NRXN1: variants seen among roughly 807,000 people sequenced by gnomAD.
The protein encoded by NRXN1 is neurexin 1, also known as neurexin-1.
Under a neutral mutation model 150.9 loss-of-function variants are expected in NRXN1, and 39 were observed. The observed-to-expected ratio is 0.26, with a 90% CI of 0.20 to 0.34. NRXN1 has a LOEUF of 0.34. Among genes scored for constraint, NRXN1 ranks in the 10% least tolerant of loss-of-function variants. The pLI is 1.00. For synonymous variants in NRXN1, 924 were observed against 757.0 expected (o/e 1.22, Z -3.62); for missense variants, 1,815 against 1,949.9 (o/e 0.93, Z 1.30).
In NRXN1 at chr2:50,658,097, A is replaced by T. The variant is rs533825614; in HGVS notation, c.833-34482T>A. 3.3e-5 allele frequency among the ~76,000 whole-genome samples: 5 copies of T among 152,078 alleles called. 1 individual carries two copies. The highest frequency in any genetic ancestry group is 1.2e-4 in the African/African-American group (5 of 41,532). On this transcript the variant is annotated intron_variant, in intron 5 of 22. Coordinates refer to ENST00000401669, the MANE Select transcript of NRXN1 (RefSeq NM_001330078.2). ...CTCAGCAGATCTTAGACTTTCCATT[A>T]TTTATTTCCTTTGTTTAGTTCAATG...
At chr2:50,281,658 G>A (rs2071482716) in intron 17 of NRXN1, among the ~76,000 whole-genome samples, 1 of 152,106 alleles carries the variant, frequency 6.6e-6, no homozygotes, top group Non-Finnish European at 1.5e-5. Flanking sequence ...CACAAACCAA[G>A]AGCTCAAAGA....
At chr2:50,912,051 C>G (rs540795810) in intron 5 of NRXN1, among the ~76,000 whole-genome samples, 1 of 151,642 alleles carries the variant, frequency 6.6e-6, no homozygotes, top group Non-Finnish European at 1.5e-5. Context: ...AATGCAGAAG[C>G]ATTATGAGGT....
At chr2:49,929,230 A>G (rs1161890623) in intron 22 of NRXN1, among the ~76,000 whole-genome samples, 2 of 152,168 alleles carry the variant, frequency 1.3e-5, no homozygotes, top group Non-Finnish European at 2.9e-5. Context: ...ATGGTACCAC[A>G]TCGAACAGAA....
At chr2:50,281,206 A>G (rs1036141620) in intron 17 of NRXN1, among the ~76,000 whole-genome samples, 2 of 151,174 alleles carry the variant, frequency 1.3e-5, no homozygotes, top group East Asian at 3.9e-4. Flanking sequence ...GGTCCCAGCT[A>G]CTCGGGAGGC....
intron 17 of NRXN1, among the ~76,000 whole-genome samples, chr2:50,433,413 G>T (rs2085144788): frequency 6.6e-6 from 1 of 152,050 alleles, no homozygotes; most frequent in Non-Finnish European, 1.5e-5. Flanking sequence ...TATGCCATGT[G>T]TTATTATTAT....
At chr2:50,612,732 A>T (rs543882290) in intron 8 of NRXN1, among the ~76,000 whole-genome samples, 4 of 152,336 alleles carry the variant, frequency 2.6e-5, no homozygotes, top group South Asian at 2.1e-4. Context: ...GATCTGATGC[A>T]GGTAAAGTGC....
At chr2:50,546,886 A>G (rs890031637) in intron 9 of NRXN1, among the ~76,000 whole-genome samples, 1 of 152,212 alleles carries the variant, frequency 6.6e-6, no homozygotes, top group African/African-American at 2.4e-5. Context: ...AGGCAGAGGC[A>G]TGGGAGGAAC....
chr2:50,728,954 A>ATTAT (rs1697741707), intron 5 of NRXN1, among the ~76,000 whole-genome samples: 1 of 152,078 alleles, frequency 6.6e-6, no homozygotes, highest in African/African-American at 2.4e-5. Flanking sequence ...GCTGGAAGTA[A>ATTAT]TTATTATCCA....
intron 18 of NRXN1, among the ~76,000 whole-genome samples, chr2:50,225,706 T>A (rs2064310276): frequency 6.6e-6 from 1 of 151,956 alleles, no homozygotes; most frequent in Non-Finnish European, 1.5e-5. Flanking sequence ...ACAGCGGCAC[T>A]CTGGAGGTCT....
chr2:50,375,651 GAA>G (rs2080432305), intron 17 of NRXN1, among the ~76,000 whole-genome samples: 1 of 150,914 alleles, frequency 6.6e-6, no homozygotes, highest in South Asian at 2.1e-4. Context: ...GTAGTAAATT[GAA>G]AGACTATTAC....
intron 5 of NRXN1, among the ~76,000 whole-genome samples, chr2:50,869,427 G>T (rs1241023465): frequency 6.6e-6 from 1 of 151,074 alleles, no homozygotes; most frequent in Non-Finnish European, 1.5e-5. Context: ...CACAGTTAAG[G>T]TATCCTGACT....
At chr2:50,673,559 A>AG (rs1347865687) in intron 5 of NRXN1, among the ~76,000 whole-genome samples, 1 of 152,122 alleles carries the variant, frequency 6.6e-6, no homozygotes. Flanking sequence ...TTAGCAGTGT[A>AG]GGAATCATGG....
intron 22 of NRXN1, among the ~76,000 whole-genome samples, chr2:49,931,897 T>G (rs1429563695): frequency 6.6e-6 from 1 of 152,230 alleles, no homozygotes; most frequent in Non-Finnish European, 1.5e-5. Context: ...TTAAGATCCA[T>G]TTCCTTTTTT....
intron 18 of NRXN1, among the ~76,000 whole-genome samples, chr2:50,132,946 C>A (rs1279507933): frequency 6.7e-6 from 1 of 149,604 alleles, no homozygotes; most frequent in Non-Finnish European, 1.5e-5. Context: ...TCCTTTTATA[C>A]CCAAAAAAAC....
intron 5 of NRXN1, among the ~76,000 whole-genome samples, chr2:50,746,115 A>G (rs575416523): frequency 1.3e-5 from 2 of 152,224 alleles, no homozygotes; most frequent in East Asian, 3.9e-4. Flanking sequence ...TTTCTGAATC[A>G]GTTTTGCCGT....
rs2083828790 is a variant in NRXN1, at chr2:50,419,774, A to G, written c.3364+45668T>C. Among the ~76,000 whole-genome samples, 16 of 152,162 alleles carry G rather than the reference A, an allele frequency of 1.1e-4. No individual in the cohort carries two copies. The South Asian group carries it at 3.3e-3, about 32-fold the overall frequency. ...TCTCCACCATGAAAACAGAAAATAT[A>G]TATTTGTATCTCCTCCCATTATATG... On this transcript the variant is annotated intron_variant, in intron 17 of 22. Transcript: ENST00000401669.
At chr2:50,290,451 A>G (rs1915232) in intron 17 of NRXN1, among the ~76,000 whole-genome samples, 3,548 of 152,304 alleles carry the variant, frequency 0.023, 130 homozygotes, top group African/African-American at 0.081. Flanking sequence ...TCCTTGATAC[A>G]AGTCATAGGC....
At chr2:50,032,129 GTTACTAGCCAGCCATTATTGTTAGAAA>G in intron 21 of NRXN1, among the ~76,000 whole-genome samples, 1 of 152,018 alleles carries the variant, frequency 6.6e-6, no homozygotes, top group African/African-American at 2.4e-5. Context: ...CTATTTTACT[GTTACTAGCCAGCCATTATTGTTAGAAA>G]GAATATGATT....
At chr2:50,878,202 T>A (rs142091210) in intron 5 of NRXN1, among the ~76,000 whole-genome samples, 187 of 152,110 alleles carry the variant, frequency 1.2e-3, no homozygotes, top group African/African-American at 3.7e-3. Flanking sequence ...GAAAAACTAA[T>A]GCATTCTAAA....
Sources: allele counts gnomAD v4.1 joint callset (sites outside exome capture counted in the v4.1 genomes callset), GRCh38; gene constraint gnomAD v4.1.1; transcripts MANE v1.5; gene names NCBI Gene and HGNC (gene_info 2026-07-23, HGNC 2026-07-21).